The following C10orf90 variants were observed in gnomAD, a reference collection of about 807,000 sequenced individuals.
C10orf90 encodes chromosome 10 open reading frame 90, also known as (E2-independent) E3 ubiquitin-conjugating enzyme FATS.
C10orf90 carries 56 observed loss-of-function variants against 62.5 expected under a neutral mutation model. The ratio of observed to expected loss-of-function variants is 0.90; its 90% CI spans 0.72 to 1.12. The LOEUF (loss-of-function observed/expected upper bound fraction) is 1.12, where lower values mean the gene tolerates loss of function less well. Ranked by LOEUF, C10orf90 falls within the 50% of genes most tolerant of loss-of-function variation. C10orf90 has a pLI of 0.00. For missense variants in C10orf90, 970 were observed against 880.4 expected, an observed-to-expected ratio of 1.10 and a Z score of -1.29; for synonymous variants, 386 against 340.4, an observed-to-expected ratio of 1.13 and a Z score of -1.47.
At chr10:126,555,231 G>A (rs4601680) in intron 2 of C10orf90, among the ~76,000 whole-genome samples, 62,380 of 152,010 alleles carry the variant, frequency 0.41, 13,058 homozygotes, top group Non-Finnish European at 0.44. Flanking sequence ...GAATGTTTAT[G>A]GGATAAATGG....
chr10:126,639,930 A>T (rs1846026640), intron 2 of C10orf90, among the ~76,000 whole-genome samples: 1 of 152,166 alleles, frequency 6.6e-6, no homozygotes, highest in Admixed American at 6.6e-5. Flanking sequence ...AGGCCCAGGG[A>T]GCCATGAAGC....
At chr10:126,564,469 C>T (rs997572961) in intron 2 of C10orf90, among the ~76,000 whole-genome samples, 3 of 151,804 alleles carry the variant, frequency 2.0e-5, no homozygotes, top group African/African-American at 7.3e-5. Flanking sequence ...TCAGAGGAGG[C>T]CATAGTCTCA....
chr10:126,514,444 C>T (rs942711774), intron 2 of C10orf90, among the ~76,000 whole-genome samples: 19 of 152,178 alleles, frequency 1.2e-4, no homozygotes, highest in Admixed American at 2.6e-4. Context: ...TAATGACACA[C>T]TCTATGTAAA....
At position 126,461,511 on chromosome 10, in the gene C10orf90, G is replaced by A. The variant is rs1272426161; in HGVS notation, c.1900C>T (p.Pro634Ser). The change falls in exon 6 of 10, where the codon CCC (proline) becomes TCC (serine). Residue 634 changes from proline to serine, a missense_variant. Coordinates refer to ENST00000488181, the MANE Select transcript of C10orf90 (RefSeq NM_001350921.2). ...KKSEDPTTPE[P>S]SPAAPSPAPR... ...GCTGGCGAGGGTGCTGCTGGGGAGG[G>A]CTCAGGTGTGGTGGGGTCCTCACTC... The A allele has an allele frequency of 1.2e-6, 2 of 1,614,000 alleles. No individual in the cohort carries two copies. The highest frequency in any genetic ancestry group is 1.1e-5 in the South Asian group (1 of 91,044).
chr10:126,477,253 T>G (rs1337133930), intron 4 of C10orf90, among the ~76,000 whole-genome samples: 2 of 149,420 alleles, frequency 1.3e-5, no homozygotes, highest in Non-Finnish European at 3.0e-5. Context: ...ATGTGCACAA[T>G]TTTTCCCCAG....
chr10:126,459,348 C>G, intron 6 of C10orf90, 131 bp from the exon 7 acceptor site: 1 of 969,172 alleles, frequency 1.0e-6, no homozygotes, highest in Admixed American at 2.3e-5. Flanking sequence ...TGCAAAAGTA[C>G]GTCACGCTTT....
intron 2 of C10orf90, among the ~76,000 whole-genome samples, chr10:126,599,364 T>G (rs2134038554): frequency 6.6e-6 from 1 of 151,778 alleles, no homozygotes; most frequent in African/African-American, 2.4e-5. Context: ...TTTTTGTATT[T>G]TTTTTTTCTT....
At chr10:126,533,573 C>A (rs7895453) in intron 2 of C10orf90, among the ~76,000 whole-genome samples, 2,702 of 152,210 alleles carry the variant, frequency 0.018, 80 homozygotes, top group African/African-American at 0.061. Context: ...GTGGTCATTC[C>A]CCTGGATGGA....
chr10:126,433,251 T>A (rs1857697065), intron 7 of C10orf90, among the ~76,000 whole-genome samples: 1 of 151,980 alleles, frequency 6.6e-6, no homozygotes, highest in South Asian at 2.1e-4. Flanking sequence ...GACATGAAGA[T>A]AAATAAAACT....
intron 2 of C10orf90, among the ~76,000 whole-genome samples, chr10:126,530,569 A>C (rs1256291513): frequency 1.3e-5 from 2 of 152,162 alleles, no homozygotes; most frequent in Non-Finnish European, 2.9e-5. Flanking sequence ...TCTATTAAAG[A>C]ATTGACCCAT....
intron 2 of C10orf90, among the ~76,000 whole-genome samples, chr10:126,630,051 A>G (rs1345322218): frequency 6.6e-6 from 1 of 152,234 alleles, no homozygotes; most frequent in Non-Finnish European, 1.5e-5. Flanking sequence ...TAAAATATAG[A>G]TAATAAAAAT....
intron 2 of C10orf90, among the ~76,000 whole-genome samples, chr10:126,641,614 G>T (rs558734809): frequency 1.3e-5 from 2 of 151,640 alleles, no homozygotes; most frequent in Admixed American, 6.6e-5. Context: ...ACTTCCAATC[G>T]CCCTCAATCC....
At chr10:126,548,458 C>T (rs1433523032) in intron 2 of C10orf90, among the ~76,000 whole-genome samples, 1 of 152,126 alleles carries the variant, frequency 6.6e-6, no homozygotes, top group African/African-American at 2.4e-5. Context: ...TCTCCGCCTC[C>T]CAGGTTCAAG....
At chr10:126,650,612 G>T (rs533140115) in intron 1 of C10orf90, among the ~76,000 whole-genome samples, 2 of 152,208 alleles carry the variant, frequency 1.3e-5, no homozygotes, top group Non-Finnish European at 2.9e-5. Flanking sequence ...CTAGGGAATA[G>T]AGAACTATGA....
intron 2 of C10orf90, among the ~76,000 whole-genome samples, chr10:126,615,572 A>G (rs1845523834): frequency 1.3e-5 from 2 of 152,200 alleles, no homozygotes; most frequent in African/African-American, 2.4e-5. Context: ...TAATTTTCTT[A>G]TATTTTATTC....
At chr10:126,483,421 C>CATTGGATTCACA (rs1401641633) in intron 4 of C10orf90, among the ~76,000 whole-genome samples, 10 of 152,212 alleles carry the variant, frequency 6.6e-5, no homozygotes, top group African/African-American at 2.4e-4. Context: ...GAAAAATCCT[C>CATTGGATTCACA]TCTCAATCCT....
intron 1 of C10orf90, among the ~76,000 whole-genome samples, chr10:126,657,963 T>C (rs375286680): frequency 2.0e-5 from 3 of 152,154 alleles, no homozygotes; most frequent in African/African-American, 7.2e-5. Flanking sequence ...CCAACAGGAC[T>C]ATGGGGCATG....
chr10:126,461,724 G>A, intron 5 of C10orf90, 139 bp from the exon 6 acceptor site: 1 of 882,184 alleles, frequency 1.1e-6, no homozygotes, highest in Non-Finnish European at 1.7e-6. Flanking sequence ...AAGCTGACAA[G>A]ATCATGCCTC....
At chr10:126,600,111 G>A (rs1845167602) in intron 2 of C10orf90, among the ~76,000 whole-genome samples, 1 of 152,194 alleles carries the variant, frequency 6.6e-6, no homozygotes, top group Admixed American at 6.5e-5. Flanking sequence ...GTGCGTGCAT[G>A]CGTGTGCACG....
Sources: allele counts gnomAD v4.1 joint callset (sites outside exome capture counted in the v4.1 genomes callset), GRCh38; gene constraint gnomAD v4.1.1; transcripts MANE v1.5; gene names NCBI Gene and HGNC (gene_info 2026-07-23, HGNC 2026-07-21).